C10orf143: variants seen among roughly 807,000 people sequenced by gnomAD.
C10orf143 encodes the protein chromosome 10 open reading frame 143.
At chr10:130,084,014 A>T (rs1861249987) in intron 1 of C10orf143, among the ~76,000 whole-genome samples, 1 of 152,196 alleles carries the variant, frequency 6.6e-6, no homozygotes, top group African/African-American at 2.4e-5. Flanking sequence ...AATAACTTTT[A>T]AAAATACTAT....
intron 3 of C10orf143, among the ~76,000 whole-genome samples, chr10:130,058,506 G>A (rs1479440159): frequency 1.3e-5 from 2 of 151,508 alleles, no homozygotes; most frequent in Non-Finnish European, 2.9e-5. Context: ...TTATGAAATT[G>A]ATGAAGCATG....
chr10:130,072,197 C>T (rs1861044583), intron 3 of C10orf143, among the ~76,000 whole-genome samples: 1 of 152,202 alleles, frequency 6.6e-6, no homozygotes, highest in Non-Finnish European at 1.5e-5. Flanking sequence ...GGCCAATTAA[C>T]ACATTGTCTT....
intron 3 of C10orf143, among the ~76,000 whole-genome samples, chr10:130,075,325 G>C (rs1049290080): frequency 5.9e-5 from 9 of 152,112 alleles, no homozygotes; most frequent in African/African-American, 2.2e-4. Flanking sequence ...TCATGTCCAG[G>C]CTCTCGGGAC....
chr10:130,054,845 T>C (rs1467074887), intron 3 of C10orf143, among the ~76,000 whole-genome samples: 6 of 152,218 alleles, frequency 3.9e-5, no homozygotes, highest in Admixed American at 1.3e-4. Flanking sequence ...AAAAATGGTA[T>C]AGTACTGACA....
intron 3 of C10orf143, among the ~76,000 whole-genome samples, chr10:130,058,384 TG>T (rs1564955542): frequency 2.0e-5 from 3 of 152,118 alleles, no homozygotes; most frequent in Admixed American, 1.3e-4. Context: ...CAAGGAGTTC[TG>T]GGGGTTAAAT....
intron 1 of C10orf143, among the ~76,000 whole-genome samples, chr10:130,093,376 G>A (rs1861412734): frequency 6.6e-6 from 1 of 152,134 alleles, no homozygotes; most frequent in Non-Finnish European, 1.5e-5. Flanking sequence ...TGAGAACAAA[G>A]ACACAATGTA....
intron 1 of C10orf143, among the ~76,000 whole-genome samples, chr10:130,088,107 G>A (rs1861321642): frequency 6.6e-6 from 1 of 152,226 alleles, no homozygotes; most frequent in Non-Finnish European, 1.5e-5. Context: ...AGCTAGCCAG[G>A]TGCAGTGGCT....
intron 3 of C10orf143, among the ~76,000 whole-genome samples, chr10:130,041,025 G>A (rs1467585007): frequency 2.0e-5 from 3 of 152,150 alleles, no homozygotes; most frequent in Admixed American, 6.5e-5. Flanking sequence ...AGACCTCCAG[G>A]AGGCCCTGAC....
At chr10:130,101,877 A>ACAAAAAACAAAAAC (rs1861561877) in intron 1 of C10orf143, among the ~76,000 whole-genome samples, 1 of 148,490 alleles carries the variant, frequency 6.7e-6, no homozygotes, top group African/African-American at 2.5e-5. Flanking sequence ...AAAAAAAAAA[A>ACAAAAAACAAAAAC]AAAAAAAACT....
chr10:130,107,145 C>T (rs748974973), intron 1 of C10orf143: 1 of 1,600,112 alleles, frequency 6.2e-7, no homozygotes, highest in East Asian at 2.2e-5. Context: ...TCAGAAAACA[C>T]ACATTTTGAA....
At chr10:130,050,143 G>A (rs1482686870) in intron 3 of C10orf143, among the ~76,000 whole-genome samples, 2 of 152,258 alleles carry the variant, frequency 1.3e-5, no homozygotes, top group Non-Finnish European at 2.9e-5. Flanking sequence ...GCCTGGGCGA[G>A]ACATTCCTGG....
At chr10:130,101,850 A>C (rs1861556843) in intron 1 of C10orf143, among the ~76,000 whole-genome samples, 1 of 20,678 alleles carries the variant, frequency 4.8e-5, no homozygotes, top group Non-Finnish European at 9.5e-5. Flanking sequence ...ACTCTGTCTC[A>C]AAAAAAAAAA....
At chr10:130,101,589 G>A (rs758804656) in intron 1 of C10orf143, among the ~76,000 whole-genome samples, 39 of 151,780 alleles carry the variant, frequency 2.6e-4, no homozygotes, top group Non-Finnish European at 4.6e-4. Flanking sequence ...TTTTTTGACC[G>A]GGCATGGTTG....
At chr10:130,066,409 G>A (rs1860936407) in intron 3 of C10orf143, 1 of 150,042 alleles carries the variant, frequency 6.7e-6, no homozygotes, top group Non-Finnish European at 1.5e-5. Context: ...GTCCAGGCTG[G>A]TCTAGAACTC....
At chr10:130,093,449 C>T (rs1460485251) in intron 1 of C10orf143, among the ~76,000 whole-genome samples, 3 of 152,170 alleles carry the variant, frequency 2.0e-5, no homozygotes, top group Non-Finnish European at 2.9e-5. Flanking sequence ...CTAAATGCCA[C>T]AGGAGAAAGT....
chr10:130,105,998 T>G, intron 1 of C10orf143: 2 of 431,280 alleles, frequency 4.6e-6, no homozygotes, highest in African/African-American at 2.1e-5. Context: ...CTCCGCTGCT[T>G]GTTGTGGCCG....
At chr10:130,091,146 T>G (rs1034118204) in intron 1 of C10orf143, among the ~76,000 whole-genome samples, 1 of 152,200 alleles carries the variant, frequency 6.6e-6, no homozygotes, top group Non-Finnish European at 1.5e-5. Flanking sequence ...CAGCAGGGGT[T>G]GACTGACACC....
chr10:130,088,350 C>T (rs1485829881), intron 1 of C10orf143, among the ~76,000 whole-genome samples: 1 of 152,144 alleles, frequency 6.6e-6, no homozygotes, highest in African/African-American at 2.4e-5. Context: ...CGCCATTGCA[C>T]TCCAGCCTCA....
chr10:130,086,686 T>G (rs539497613), intron 1 of C10orf143, among the ~76,000 whole-genome samples: 1 of 152,344 alleles, frequency 6.6e-6, no homozygotes, highest in African/African-American at 2.4e-5. Context: ...TTTACAAGTT[T>G]CAATTTTCCC....
Sources: allele counts gnomAD v4.1 joint callset (sites outside exome capture counted in the v4.1 genomes callset), GRCh38; gene constraint gnomAD v4.1.1; transcripts MANE v1.5; gene names NCBI Gene and HGNC (gene_info 2026-07-23, HGNC 2026-07-21).